Variants in TRPM3 observed in about 807,000 individuals in gnomAD.
TRPM3 encodes the protein transient receptor potential cation channel subfamily M member 3, also known as long transient receptor potential channel 3.
In TRPM3, 77 loss-of-function variants were observed where a neutral mutation model predicts 181.2. The ratio of observed to expected loss-of-function variants is 0.42; its 90% CI spans 0.35 to 0.51. The LOEUF (loss-of-function observed/expected upper bound fraction) is 0.51, where lower values mean the gene tolerates loss of function less well. Among genes scored for constraint, TRPM3 ranks in the 20% least tolerant of loss-of-function variants. TRPM3 has a pLI of 0.01. For synonymous variants in TRPM3, 745 were observed against 796.4 expected (o/e 0.94, Z 1.09); for missense variants, 1,759 against 2,196.7 (o/e 0.80, Z 3.98).
At chr9:71,171,489 G>A (rs1176188433) in intron 1 of TRPM3, among the ~76,000 whole-genome samples, 2 of 152,088 alleles carry the variant, frequency 1.3e-5, no homozygotes, top group African/African-American at 4.8e-5. Context: ...TATTTCTCAA[G>A]CTGGCCGACA....
At chr9:70,860,998 G>A (rs1286052836) in intron 3 of TRPM3, among the ~76,000 whole-genome samples, 6 of 152,096 alleles carry the variant, frequency 3.9e-5, no homozygotes, top group Non-Finnish European at 8.8e-5. Context: ...GGTTAAACTT[G>A]TGTTATCTAA....
At chr9:70,913,128 C>G (rs2096555311) in intron 1 of TRPM3, among the ~76,000 whole-genome samples, 1 of 152,002 alleles carries the variant, frequency 6.6e-6, no homozygotes, top group Non-Finnish European at 1.5e-5. Flanking sequence ...CCAATTCTAC[C>G]CAAAATAGTA....
intron 19 of TRPM3, among the ~76,000 whole-genome samples, chr9:70,605,553 T>C (rs773987779): frequency 4.6e-5 from 7 of 152,126 alleles, no homozygotes; most frequent in Non-Finnish European, 1.0e-4. Flanking sequence ...TGAAGGAGTT[T>C]ACTTAAAATT....
intron 7 of TRPM3, chr9:70,776,591 T>TGA (rs2081410521): frequency 1.8e-6 from 1 of 562,400 alleles, no homozygotes; most frequent in South Asian, 2.4e-5. Flanking sequence ...CTGTCAGTCC[T>TGA]GTCAAAATGA....
In TRPM3 at chr9:71,082,689, T is replaced by C. The variant is rs117029159; in HGVS notation, c.177+38489A>G. On this transcript the variant is annotated intron_variant, in intron 1 of 25. Coordinates refer to ENST00000677713, the MANE Select transcript of TRPM3 (RefSeq NM_001366145.2). ...TGGACTAAATTATCTCACACAGCCT[T>C]ATATCCTGTCAAATCAAGGTTGTTA... 1.6e-3 allele frequency among the ~76,000 whole-genome samples: 240 copies of C among 152,246 alleles called. 5 individuals carry two copies. The East Asian group carries it at 0.043, about 27-fold the overall frequency.
chr9:71,068,584 C>T (rs2062253891), intron 1 of TRPM3, among the ~76,000 whole-genome samples: 1 of 152,144 alleles, frequency 6.6e-6, no homozygotes, highest in Non-Finnish European at 1.5e-5. Context: ...ATTACTGCCC[C>T]CAGATCATCT....
chr9:70,700,428 G>A (rs2072116418), intron 8 of TRPM3, among the ~76,000 whole-genome samples: 1 of 152,136 alleles, frequency 6.6e-6, no homozygotes, highest in South Asian at 2.1e-4. Flanking sequence ...CGGGATAGGG[G>A]GGCGATGAAT....
chr9:70,996,650 A>AG (rs1414592342), intron 1 of TRPM3, among the ~76,000 whole-genome samples: 4 of 152,114 alleles, frequency 2.6e-5, no homozygotes, highest in Admixed American at 6.5e-5. Flanking sequence ...CTCCCTGTCT[A>AG]ATTTCTATTG....
At chr9:70,957,044 TC>T (rs1416647728) in intron 1 of TRPM3, among the ~76,000 whole-genome samples, 5 of 148,210 alleles carry the variant, frequency 3.4e-5, no homozygotes, top group African/African-American at 5.0e-5. Context: ...CACTGCAACC[TC>T]TGCTTCTCAG....
At chr9:71,364,264 G>T (rs2092260720) in intron 1 of TRPM3, among the ~76,000 whole-genome samples, 1 of 151,902 alleles carries the variant, frequency 6.6e-6, no homozygotes, top group Non-Finnish European at 1.5e-5. Flanking sequence ...GCCACTGTTA[G>T]GATACATCAG....
chr9:71,314,001 A>G (rs2088283976), intron 1 of TRPM3, among the ~76,000 whole-genome samples: 1 of 152,144 alleles, frequency 6.6e-6, no homozygotes, highest in African/African-American at 2.4e-5. Flanking sequence ...TTATTGTAAA[A>G]TTCTTTTCCA....
chr9:70,965,460 GAA>G (rs1471045090), intron 1 of TRPM3, among the ~76,000 whole-genome samples: 4 of 151,966 alleles, frequency 2.6e-5, no homozygotes, highest in African/African-American at 7.2e-5. Context: ...GTGACACAGA[GAA>G]AAGAGTCATT....
intron 1 of TRPM3, among the ~76,000 whole-genome samples, chr9:71,085,079 G>A (rs369497752): frequency 5.9e-5 from 9 of 152,032 alleles, no homozygotes; most frequent in African/African-American, 1.4e-4. Context: ...CCAGCCATAC[G>A]CAGTAGAATG....
At chr9:70,700,538 C>T (rs920338616) in intron 8 of TRPM3, among the ~76,000 whole-genome samples, 2 of 152,166 alleles carry the variant, frequency 1.3e-5, no homozygotes, top group Non-Finnish European at 2.9e-5. Flanking sequence ...AAAGACTGTG[C>T]TCTTTGTTAA....
intron 1 of TRPM3, among the ~76,000 whole-genome samples, chr9:71,371,063 G>GAAAA (rs35238336): frequency 6.8e-6 from 1 of 146,636 alleles, no homozygotes; most frequent in Non-Finnish European, 1.5e-5. Flanking sequence ...CTACTTCTGA[G>GAAAA]AAAAAAAAAA....
chr9:70,641,551 C>T (rs1191991440), intron 9 of TRPM3, among the ~76,000 whole-genome samples: 2 of 152,160 alleles, frequency 1.3e-5, no homozygotes, highest in African/African-American at 4.8e-5. Context: ...TATTTTTCTC[C>T]AGATTCTGTC....
chr9:71,296,917 C>A (rs189772507), intron 1 of TRPM3, among the ~76,000 whole-genome samples: 2 of 151,196 alleles, frequency 1.3e-5, no homozygotes, highest in Admixed American at 1.3e-4. Flanking sequence ...ACATGAGAAA[C>A]ACTGCAGAAA....
intron 3 of TRPM3, among the ~76,000 whole-genome samples, chr9:70,859,139 C>G (rs115617244): frequency 6.6e-6 from 1 of 152,196 alleles, no homozygotes; most frequent in South Asian, 2.1e-4. Flanking sequence ...TGCCAGCCAT[C>G]GGAAGGGAGG....
chr9:70,806,831 T>A (rs2033825472), intron 6 of TRPM3, among the ~76,000 whole-genome samples: 1 of 152,246 alleles, frequency 6.6e-6, no homozygotes, highest in Admixed American at 6.5e-5. Flanking sequence ...TCTTCAGTTT[T>A]ACATCCATTA....
Sources: allele counts gnomAD v4.1 joint callset (sites outside exome capture counted in the v4.1 genomes callset), GRCh38; gene constraint gnomAD v4.1.1; transcripts MANE v1.5; gene names NCBI Gene and HGNC (gene_info 2026-07-23, HGNC 2026-07-21).